PCDHGA4: variants seen among roughly 807,000 people sequenced by gnomAD.
PCDHGA4 encodes the protein protocadherin gamma-A4.
PCDHGA4 carries 38 observed loss-of-function variants against 54.6 expected under a neutral mutation model. The observed-to-expected ratio is 0.70, with a 90% CI of 0.54 to 0.91. The LOEUF (loss-of-function observed/expected upper bound fraction) is 0.91, where lower values mean the gene tolerates loss of function less well. Among genes scored for constraint, PCDHGA4 ranks in the 40% least tolerant of loss-of-function variants. The pLI, the probability that PCDHGA4 is intolerant of heterozygous loss-of-function variation, is 0.00. For synonymous variants in PCDHGA4, 511 were observed against 512.9 expected, an observed-to-expected ratio of 1.00 and a Z score of 0.05; for missense variants, 1,298 against 1,220.9, an observed-to-expected ratio of 1.06 and a Z score of -0.94.
At chr5:141,411,955 A>G (rs1427605209) in intron 1 of PCDHGA4, 2 of 152,244 alleles carry the variant, frequency 1.3e-5, no homozygotes, top group Admixed American at 6.5e-5. Context: ...TTTGAAGAAA[A>G]AAGATAAAAT....
chr5:141,489,381 T>A lies in PCDHGA4; in HGVS notation c.2515-5426T>A. 1 of 1,613,894 alleles carries A rather than the reference T, an allele frequency of 6.2e-7. No homozygotes were observed. The highest frequency in any genetic ancestry group is 8.5e-7 in the Non-Finnish European group (1 of 1,179,802). ...CTGAGCCGGGGACGCTGGTGGGGAATGTTGCTCAGGATCTGGGCTTAAAGA... is the reference window on the plus strand; with the variant it reads ...CTGAGCCGGGGACGCTGGTGGGGAAAGTTGCTCAGGATCTGGGCTTAAAGA... On this transcript the variant is annotated intron_variant, in intron 1 of 3. Transcript: ENST00000571252. The surrounding 1 kb of genome is among the most constrained non-coding windows in gnomAD (Gnocchi z 4.5).
intron 1 of PCDHGA4, chr5:141,478,470 G>A (rs753075137): frequency 1.2e-6 from 2 of 1,613,686 alleles, no homozygotes; most frequent in Non-Finnish European, 1.7e-6. Context: ...CTGGCCAGCC[G>A]CCAGAACACG....
At chr5:141,413,329 A>G (rs762420040) in intron 1 of PCDHGA4, 1 of 1,613,966 alleles carries the variant, frequency 6.2e-7, no homozygotes, top group Non-Finnish European at 8.5e-7. Context: ...CGTGGGCAAC[A>G]TCTCCAAGGA....
intron 1 of PCDHGA4, chr5:141,408,641 T>G: frequency 6.2e-7 from 1 of 1,614,034 alleles, no homozygotes; most frequent in Non-Finnish European, 8.5e-7. Context: ...CGAATCTGCA[T>G]CCGCTGGTAC....
intron 1 of PCDHGA4, among the ~76,000 whole-genome samples, chr5:141,481,789 T>TAAAAATAC (rs972511310): frequency 3.3e-5 from 5 of 151,186 alleles, no homozygotes; most frequent in African/African-American, 1.2e-4. Flanking sequence ...CCGTCTCTAC[T>TAAAAATAC]AAAAATACAA....
At chr5:141,483,937 C>T (rs964918788) in intron 1 of PCDHGA4, among the ~76,000 whole-genome samples, 1 of 130,444 alleles carries the variant, frequency 7.7e-6, no homozygotes, top group African/African-American at 2.9e-5. Flanking sequence ...TAGGTACCTA[C>T]GGTGTGAATT....
intron 1 of PCDHGA4, chr5:141,375,433 C>T: frequency 6.2e-7 from 1 of 1,614,016 alleles, no homozygotes; most frequent in African/African-American, 1.3e-5. Context: ...ACAACCCGCC[C>T]ACCTTCCCCC....
At chr5:141,399,479 C>G (rs774561101) in intron 1 of PCDHGA4, 2 of 1,614,032 alleles carry the variant, frequency 1.2e-6, no homozygotes, top group East Asian at 4.5e-5. Context: ...TTCCACCAGG[C>G]GTCCTACTTA....
At chr5:141,380,361 GA>G (rs980591138) in intron 1 of PCDHGA4, among the ~76,000 whole-genome samples, 1 of 151,502 alleles carries the variant, frequency 6.6e-6, no homozygotes, top group Non-Finnish European at 1.5e-5. Flanking sequence ...TTGTTTTTTA[GA>G]AAAAAAAGTC....
chr5:141,437,037 A>G (rs1410732155), intron 1 of PCDHGA4, among the ~76,000 whole-genome samples: 2 of 152,264 alleles, frequency 1.3e-5, no homozygotes, highest in Admixed American at 1.3e-4. Flanking sequence ...TGGATCACCG[A>G]AACCAGAAGG....
At chr5:141,421,088 C>A in intron 1 of PCDHGA4, 2 of 659,434 alleles carry the variant, frequency 3.0e-6, no homozygotes, top group South Asian at 4.0e-5. Flanking sequence ...CTCACAGATC[C>A]TGACACTGGA....
intron 1 of PCDHGA4, chr5:141,383,835 T>C (rs950729427): frequency 4.3e-6 from 7 of 1,613,802 alleles, no homozygotes; most frequent in Admixed American, 1.7e-5. Flanking sequence ...ATGAAGAAAC[T>C]GCCTTCTATG....
intron 2 of PCDHGA4, among the ~76,000 whole-genome samples, chr5:141,497,126 C>T (rs565697662): frequency 8.2e-4 from 125 of 151,844 alleles, no homozygotes; most frequent in African/African-American, 3.0e-3. Flanking sequence ...GCAGAGGTTG[C>T]AGTGAGCTGA....
chr5:141,452,387 G>A (rs1052689230), intron 1 of PCDHGA4, among the ~76,000 whole-genome samples: 5 of 152,146 alleles, frequency 3.3e-5, no homozygotes, highest in African/African-American at 1.2e-4. Context: ...ATAGTATTTA[G>A]AAACTAAGAT....
At chr5:141,405,403 T>A (rs1430892971) in intron 1 of PCDHGA4, 2 of 1,586,108 alleles carry the variant, frequency 1.3e-6, no homozygotes, top group Non-Finnish European at 1.7e-6. Flanking sequence ...TCTTTCTTTC[T>A]TTTCTTTTTT....
intron 1 of PCDHGA4, chr5:141,398,756 T>C: frequency 1.9e-6 from 3 of 1,613,924 alleles, no homozygotes; most frequent in Non-Finnish European, 2.5e-6. Context: ...TACCATCGTT[T>C]AGTCCTGACT....
At chr5:141,404,161 ATTG>A in intron 1 of PCDHGA4, 1 of 1,613,152 alleles carries the variant, frequency 6.2e-7, no homozygotes, top group South Asian at 1.1e-5. Context: ...ATTATTACAG[ATTG>A]TTGACGGCCC....
Position 141,490,397 on chromosome 5 carries a change from G to A in PCDHGA4, c.2515-4410G>A. 6.2e-7 allele frequency: 1 copy of A among 1,614,170 alleles called. No individual in the cohort carries two copies. Among genetic ancestry groups the A allele is most frequent in the South Asian group, 1.1e-5 (1 of 91,080 alleles). On this transcript the variant is annotated intron_variant, in intron 1 of 3. Coordinates refer to ENST00000571252, the MANE Select transcript of PCDHGA4 (RefSeq NM_018917.4). This position sits in a 1 kb window ranked among gnomAD's most constrained non-coding sequence, Gnocchi z 5.4. ...GACTCAGGTAGAAATGGTGAAGTGA[G>A]CCTTGATATCTCTCCGGACCTGCCA...
chr5:141,398,367 G>A, intron 1 of PCDHGA4: 1 of 1,430,476 alleles, frequency 7.0e-7, no homozygotes, highest in Non-Finnish European at 9.7e-7. Context: ...TGAGCGCAGA[G>A]AGCGGGGAGT....
Sources: allele counts gnomAD v4.1 joint callset (sites outside exome capture counted in the v4.1 genomes callset), GRCh38; gene constraint gnomAD v4.1.1; non-coding constraint Gnocchi (gnomAD v3.1); transcripts MANE v1.5; gene names NCBI Gene and HGNC (gene_info 2026-07-23, HGNC 2026-07-21).